NPY2R: variants seen among roughly 807,000 people sequenced by gnomAD.
NPY2R encodes the protein neuropeptide Y receptor Y2.
A neutral mutation model predicts 22.3 loss-of-function variants in NPY2R; 17 were observed. That is an observed-to-expected ratio of 0.76 (90% CI 0.52 to 1.14). NPY2R has a LOEUF of 1.14. NPY2R is among the 50% of genes most tolerant of loss of function. The probability of loss-of-function intolerance (pLI) is 0.00; values close to 1 mark genes in which losing one functional copy is unlikely to be tolerated. For missense variants in NPY2R, 424 were observed against 467.9 expected, an observed-to-expected ratio of 0.91 and a Z score of 0.87; for synonymous variants, 209 against 183.4, an observed-to-expected ratio of 1.14 and a Z score of -1.13.
chr4:155,185,044 A>ATATT, the NPY2R span, among the ~76,000 whole-genome samples: 19 of 140,618 alleles, frequency 1.4e-4, no homozygotes, highest in East Asian at 4.3e-4. Context: ...ATATATATAT[A>ATATT]TTTTTTTTTT....
the NPY2R span, among the ~76,000 whole-genome samples, chr4:155,175,383 T>A: frequency 2.0e-5 from 3 of 152,240 alleles, no homozygotes; most frequent in Non-Finnish European, 4.4e-5. Flanking sequence ...GAACATCAGT[T>A]AAACCCCAAT....
At chr4:155,186,327 G>A in the NPY2R span, among the ~76,000 whole-genome samples, 2 of 152,068 alleles carry the variant, frequency 1.3e-5, no homozygotes, top group Non-Finnish European at 2.9e-5. Context: ...TATTTGATTA[G>A]TAAAGCAGTG....
chr4:155,198,828 G>A, the NPY2R span, among the ~76,000 whole-genome samples: 2 of 151,602 alleles, frequency 1.3e-5, no homozygotes, highest in African/African-American at 4.8e-5. Flanking sequence ...CAACAATAAG[G>A]CCATGTGTAG....
the NPY2R span, among the ~76,000 whole-genome samples, chr4:155,180,680 G>T: frequency 4.6e-5 from 7 of 151,834 alleles, 1 homozygote; most frequent in South Asian, 1.5e-3. Context: ...TATATTTGAT[G>T]ACTATTTTTT....
the NPY2R span, among the ~76,000 whole-genome samples, chr4:155,201,064 ATATATACTGCAAG>A: frequency 6.6e-6 from 1 of 152,108 alleles, no homozygotes; most frequent in East Asian, 1.9e-4. Context: ...TGCAAACAAT[ATATATACTGCAAG>A]GCAAAGGGAT....
the NPY2R span, among the ~76,000 whole-genome samples, chr4:155,184,003 A>C: frequency 6.6e-6 from 1 of 152,118 alleles, no homozygotes; most frequent in African/African-American, 2.4e-5. Flanking sequence ...TGTCCATGTC[A>C]CCCTTCTTCC....
the NPY2R span, among the ~76,000 whole-genome samples, chr4:155,192,920 C>A: frequency 6.6e-6 from 1 of 151,886 alleles, no homozygotes; most frequent in South Asian, 2.1e-4. Flanking sequence ...ATTTAGATTT[C>A]CATTCATCTG....
chr4:155,194,645 A>T, the NPY2R span, among the ~76,000 whole-genome samples: 11 of 151,840 alleles, frequency 7.2e-5, no homozygotes, highest in Non-Finnish European at 1.5e-4. Flanking sequence ...TCCACCACTG[A>T]TGGGCATCTT....
chr4:155,183,093 G>A, the NPY2R span, among the ~76,000 whole-genome samples: 3 of 152,040 alleles, frequency 2.0e-5, no homozygotes, highest in South Asian at 2.1e-4. Flanking sequence ...ATGCCCAGCC[G>A]AGCTGTTCTA....
At position 155,214,705 on chromosome 4, in the gene NPY2R, A is replaced by G. The variant is rs1377822480; in HGVS notation, c.766A>G (p.Asn256Asp). The G allele has an allele frequency of 6.2e-7, 1 of 1,614,214 alleles. No individual in the cohort carries two copies. Among genetic ancestry groups the G allele is most frequent in the South Asian group, 1.1e-5 (1 of 91,084 alleles). ...LKNHVSPGAA[N>D]DHYHQRRQKT... is the part of the protein sequence containing the mutation. The stretch of plus-strand genomic sequence containing the variant: ...GAACCATGTCAGTCCTGGAGCTGCA[A>G]ATGACCACTACCATCAGCGAAGGCA... The change falls in exon 2 of 2, where the codon AAT becomes GAT. Residue 256 changes from asparagine to aspartate, a missense_variant. Physicochemically the swap from Asn to Asp is conservative, Grantham distance 23 (BLOSUM62 1). Transcript: ENST00000329476.
the NPY2R span, among the ~76,000 whole-genome samples, chr4:155,200,646 A>T: frequency 6.6e-6 from 1 of 152,000 alleles, no homozygotes; most frequent in Admixed American, 6.6e-5. Flanking sequence ...AATGTGGTAC[A>T]TATACATCAT....
chr4:155,187,254 A>G, the NPY2R span, among the ~76,000 whole-genome samples: 1 of 152,180 alleles, frequency 6.6e-6, no homozygotes, highest in Non-Finnish European at 1.5e-5. Flanking sequence ...CCACAAAATG[A>G]TTCCTTAATT....
chr4:155,203,747 A>G (rs900770675), upstream of NPY2R, among the ~76,000 whole-genome samples: 1 of 152,214 alleles, frequency 6.6e-6, no homozygotes, highest in African/African-American at 2.4e-5. Flanking sequence ...GAGGGACTTA[A>G]TAAGCTTAAA....
At position 155,215,005 on chromosome 4, in the gene NPY2R, A is replaced by T. The variant is rs769267318; in HGVS notation, c.1066A>T (p.Thr356Ser). The T allele has an allele frequency of 1.2e-6, 2 of 1,614,158 alleles. No individual in the cohort carries two copies. The highest frequency in any genetic ancestry group is 8.5e-7 in the Non-Finnish European group (1 of 1,180,024). Residue 356 changes from threonine to serine, a missense_variant, in exon 2 of 2, where the codon ACA (threonine) becomes TCA (serine). Thr to Ser is a moderately conservative substitution (Grantham distance 58). Transcript: ENST00000329476. Reference protein sequence around the residue: ...LDAIHSEVSVTFKAKKNLEVR... With the variant: ...LDAIHSEVSVSFKAKKNLEVR... The stretch of plus-strand genomic sequence containing the variant: ...TGCCATTCACTCTGAGGTGTCCGTG[A>T]CATTCAAGGCTAAAAAGAACCTGGA...
chr4:155,202,643 C>T, the NPY2R span, among the ~76,000 whole-genome samples: 1 of 152,138 alleles, frequency 6.6e-6, no homozygotes, highest in African/African-American at 2.4e-5. Flanking sequence ...ATTTCACCAT[C>T]TCCAAAATGC....
chr4:155,190,143 G>A, the NPY2R span, among the ~76,000 whole-genome samples: 2 of 152,054 alleles, frequency 1.3e-5, no homozygotes, highest in African/African-American at 4.8e-5. Context: ...AGAATTGCAT[G>A]GGCAACATTT....
intron 1 of NPY2R, among the ~76,000 whole-genome samples, chr4:155,211,266 G>A (rs1195518115): frequency 1.3e-5 from 2 of 152,182 alleles, no homozygotes; most frequent in Admixed American, 1.3e-4. Flanking sequence ...GATTGCTGTG[G>A]TGGGTAAACG....
At chr4:155,176,666 G>C in the NPY2R span, among the ~76,000 whole-genome samples, 4 of 152,098 alleles carry the variant, frequency 2.6e-5, no homozygotes, top group African/African-American at 9.7e-5. Context: ...TTCTGCCCTT[G>C]TGTAGTAGTC....
chr4:155,187,438 A>G, the NPY2R span, among the ~76,000 whole-genome samples: 10 of 152,158 alleles, frequency 6.6e-5, no homozygotes, highest in South Asian at 4.1e-4. Context: ...GTATGTGCAA[A>G]TGGAATGAGA....
Sources: allele counts gnomAD v4.1 joint callset (sites outside exome capture counted in the v4.1 genomes callset), GRCh38; gene constraint gnomAD v4.1.1; transcripts MANE v1.5; gene names NCBI Gene and HGNC (gene_info 2026-07-23, HGNC 2026-07-21).